Variants in PCDH12 observed in about 807,000 individuals in gnomAD.
PCDH12 encodes the protein protocadherin 12, also known as protocadherin-12.
Under a neutral mutation model 70.9 loss-of-function variants are expected in PCDH12, and 45 were observed. The ratio of observed to expected loss-of-function variants is 0.63; its 90% CI spans 0.50 to 0.81. The LOEUF (loss-of-function observed/expected upper bound fraction) is 0.81, where lower values mean the gene tolerates loss of function less well. Among genes scored for constraint, PCDH12 ranks in the 40% least tolerant of loss-of-function variants. The probability of loss-of-function intolerance (pLI) is 0.00; values close to 1 mark genes in which losing one functional copy is unlikely to be tolerated. For missense variants in PCDH12, 1,370 were observed against 1,491.7 expected (o/e 0.92, Z 1.34); for synonymous variants, 567 against 626.0 (o/e 0.91, Z 1.41).
chr5:141,953,770 C>T (rs781066143), intron 1 of PCDH12, among the ~76,000 whole-genome samples: 3 of 152,210 alleles, frequency 2.0e-5, no homozygotes, highest in Non-Finnish European at 2.9e-5. Flanking sequence ...GGGTCTGCAC[C>T]GATCCCAGGG....
At position 141,957,476 on chromosome 5, in the gene PCDH12, G is replaced by GCACTTGGATCTC; in HGVS notation, c.364_375dup (p.Glu122_Val125dup). 1 of 1,613,152 alleles carries GCACTTGGATCTC rather than the reference G, an allele frequency of 6.2e-7. No individual in the cohort carries two copies. On this transcript the variant is annotated inframe_insertion, in exon 1 of 4. Coordinates refer to ENST00000231484, the MANE Select transcript of PCDH12 (RefSeq NM_016580.4). The surrounding 1 kb of genome is among the most constrained non-coding windows in gnomAD (Gnocchi z 4.3). ...CGTGGCTGGTGGTCATTGATGTCCA[G>GCACTTGGATCTC]CACTTGGATCTCCACATGGATCAGA... is the stretch of plus-strand genomic sequence containing the variant.
chr5:141,956,011 C>T lies in PCDH12; in HGVS notation c.1841G>A (p.Arg614Gln), dbSNP rs149124110. 51 of 1,613,980 alleles carry T rather than the reference C, an allele frequency of 3.2e-5. No individual in the cohort carries two copies. Among genetic ancestry groups the T allele is most frequent in the Admixed American group, 5.0e-5 (3 of 59,988 alleles). ...DTPPLATHSS[R>Q]PFLLTTIVAR... ...CACAATGGTTGTCAAAAGGAATGGC[C>T]GGGAGCTGTGAGTGGCCAGTGGAGG... The change falls in exon 1 of 4, where the codon CGG becomes CAG. Residue 614 changes from arginine (R) to glutamine (Q), a missense_variant. Physicochemically the swap from Arg to Gln is conservative, Grantham distance 43. Coordinates refer to ENST00000231484, the MANE Select transcript of PCDH12 (RefSeq NM_016580.4).
intron 3 of PCDH12, among the ~76,000 whole-genome samples, chr5:141,946,886 C>T (rs553206368): frequency 7.3e-6 from 1 of 137,312 alleles, no homozygotes; most frequent in African/African-American, 2.9e-5. Context: ...AGTTAAGAAA[C>T]AGTGTCTTAA....
rs1018274313 is a variant in PCDH12 at position 141,945,460 on chromosome 5, T to C, written c.3476A>G (p.Lys1159Arg). ...CTTTCCACCTGGGTCCCCTTGCACT[T>C]TCATGCCTGAGGCTGCACTGGTGGC... ...DLATSAASGM[K>R]VQGDPGGKTG... Residue 1159 changes from lysine to arginine, a missense_variant, in exon 4 of 4, where the codon AAA (lysine) becomes AGA (arginine). By Grantham distance (26) the Lys-to-Arg change is conservative. Coordinates refer to ENST00000231484, the MANE Select transcript of PCDH12 (RefSeq NM_016580.4). 29 of 1,613,206 alleles carry C rather than the reference T, an allele frequency of 1.8e-5. No individual in the cohort carries two copies. Among genetic ancestry groups the C allele is most frequent in the Non-Finnish European group, 2.2e-5 (26 of 1,179,676 alleles).
Position 141,957,776 on chromosome 5 carries a change from C to T in PCDH12, c.76G>A (p.Glu26Lys). 2 of 1,609,322 alleles carry T rather than the reference C, an allele frequency of 1.2e-6. No homozygotes were observed. Among genetic ancestry groups the T allele is most frequent in the Non-Finnish European group, 1.7e-6 (2 of 1,180,006 alleles). ...GYLFLLGDCQ[E>K]VTTLTVKYQV... is the part of the protein sequence containing the mutation. Reference sequence around the variant, plus strand: ...TATTTCACCGTGAGAGTGGTCACCTCCTGACAATCCCCTAAAAGAAATAAG... The same window carrying T: ...TATTTCACCGTGAGAGTGGTCACCTTCTGACAATCCCCTAAAAGAAATAAG... The change falls in exon 1 of 4, where the codon GAG becomes AAG. Residue 26 changes from glutamate (E) to lysine (K), a missense_variant. Coordinates refer to ENST00000231484, the MANE Select transcript of PCDH12 (RefSeq NM_016580.4). The surrounding 1 kb of genome is among the most constrained non-coding windows in gnomAD (Gnocchi z 4.3).
chr5:141,956,250 C>G lies in PCDH12; in HGVS notation c.1602G>C (p.Gln534His). The G allele has an allele frequency of 1.2e-6, 2 of 1,614,226 alleles. No homozygotes were observed. Among genetic ancestry groups the G allele is most frequent in the East Asian group, 2.2e-5 (1 of 44,882 alleles). ...GTTGCCCGCTGTCCTCTGCGATCAC[C>G]TGGAACTCAAAGCCGGCCATCTCTT... Reference protein sequence around the residue: ...NYEEMAGFEFQVIAEDSGQPM... With the variant: ...NYEEMAGFEFHVIAEDSGQPM... Residue 534 changes from glutamine to histidine, a missense_variant, in exon 1 of 4, where the codon CAG becomes CAC. Coordinates refer to ENST00000231484, the MANE Select transcript of PCDH12 (RefSeq NM_016580.4).
rs1753215984 is a variant in PCDH12, at chr5:141,957,952, C to T, written c.-101G>A. On this transcript the variant is annotated 5_prime_UTR_variant, in exon 1 of 4. Coordinates refer to ENST00000231484, the MANE Select transcript of PCDH12 (RefSeq NM_016580.4). This position sits in a 1 kb window ranked among gnomAD's most constrained non-coding sequence, Gnocchi z 4.3. The stretch of plus-strand genomic sequence containing the variant: ...GGATGGCTTGATCAGCCCCGTGCTC[C>T]TTCCCCCAGAGCTGCCGGCACAACC... 15 of 1,385,848 alleles carry T rather than the reference C, an allele frequency of 1.1e-5. No homozygotes were observed. The highest frequency in any genetic ancestry group is 1.5e-5 in the Non-Finnish European group (15 of 1,027,650). The allele number at this position is 1,385,848 out of a possible 1,614,324, so 85.8% of individuals were successfully genotyped here. A position where few individuals can be genotyped will look rare whatever the true frequency, so the allele number is the denominator to read the frequency against.
chr5:141,945,860 G>A (rs1363194133), intron 3 of PCDH12, 55 bp from the exon 4 acceptor site: 2 of 1,531,654 alleles, frequency 1.3e-6, no homozygotes, highest in African/African-American at 1.4e-5. Context: ...GGGCCAGGCG[G>A]GTGAGGGTGG....
At position 141,949,522 on chromosome 5, in the gene PCDH12, G is replaced by C. The variant is rs146378495; in HGVS notation, c.3040C>G (p.Gln1014Glu). 5 of 1,614,040 alleles carry C rather than the reference G, an allele frequency of 3.1e-6. No homozygotes were observed. The highest frequency in any genetic ancestry group is 1.7e-5 in the Admixed American group (1 of 60,008). Reference protein sequence around the residue: ...ARAGGQTDPEQEEGPLDPEED... With the variant: ...ARAGGQTDPEEEEGPLDPEED... ...TCAGGATCCAAAGGCCCTTCCTCCT[G>C]TTCTGGGTCTGTCTGGCCTCCAGCC... Residue 1014 changes from glutamine to glutamate, a missense_variant, in exon 3 of 4, where the codon CAG (glutamine) becomes GAG (glutamate). Physicochemically the swap from Gln to Glu is conservative, Grantham distance 29. Coordinates refer to ENST00000231484, the MANE Select transcript of PCDH12 (RefSeq NM_016580.4).
In PCDH12 at chr5:141,956,664, C is replaced by A. The variant is rs1753189648; in HGVS notation, c.1188G>T (p.Glu396Asp). The change falls in exon 1 of 4, where the codon GAG (glutamate) becomes GAT (aspartate). Residue 396 changes from glutamate (E) to aspartate (D), a missense_variant. Physicochemically the swap from Glu to Asp is conservative, Grantham distance 45. Transcript: ENST00000231484. ...NGLVHCWLSQ[E>D]LGHFRLKRTN... ...TTCTTTTCAGCCTGAAGTGGCCCAG[C>A]TCTTGGCTCAGCCAGCAGTGGACCA... 6.2e-7 allele frequency: 1 copy of A among 1,614,242 alleles called. No homozygotes were observed. The highest frequency in any genetic ancestry group is 1.1e-5 in the South Asian group (1 of 91,088).
In PCDH12 at chr5:141,957,863, A is replaced by C. The variant is rs1753214285; in HGVS notation, c.-12T>G. The C allele has an allele frequency of 5.0e-6, 8 of 1,592,130 alleles. No individual in the cohort carries two copies. The highest frequency in any genetic ancestry group is 6.8e-6 in the Non-Finnish European group (8 of 1,175,304). ...AGAAGTTGCATCATGCTTACCGCCA[A>C]GTGGGCTAGATTCAGAAACCACTAG... On this transcript the variant is annotated 5_prime_UTR_variant, in exon 1 of 4. Coordinates refer to ENST00000231484, the MANE Select transcript of PCDH12 (RefSeq NM_016580.4). The surrounding 1 kb of genome is among the most constrained non-coding windows in gnomAD (Gnocchi z 4.3).
At chr5:141,952,743 A>G (rs1301433115) in intron 1 of PCDH12, 1 of 152,260 alleles carries the variant, frequency 6.6e-6, no homozygotes, top group Non-Finnish European at 1.5e-5. Context: ...AGAAATACCC[A>G]CACGCCTTCT....
At chr5:141,953,589 A>G (rs1038382678) in intron 1 of PCDH12, among the ~76,000 whole-genome samples, 3 of 152,214 alleles carry the variant, frequency 2.0e-5, no homozygotes, top group Non-Finnish European at 4.4e-5. Context: ...TTGATCCCAA[A>G]TGGGCACCTT....
intron 3 of PCDH12, 105 bp from the exon 4 acceptor site, chr5:141,945,910 G>A: frequency 9.6e-7 from 1 of 1,046,618 alleles, no homozygotes; most frequent in Non-Finnish European, 1.4e-6. Context: ...AAGGAGGGAA[G>A]GGAAATGGCA....
intron 3 of PCDH12, among the ~76,000 whole-genome samples, chr5:141,949,030 A>T (rs1291750213): frequency 6.9e-6 from 1 of 145,282 alleles, no homozygotes; most frequent in African/African-American, 2.6e-5. Flanking sequence ...CCTGGGCAAC[A>T]GGTGAATCCC....
chr5:141,955,118 G>A lies in PCDH12; in HGVS notation c.2734C>T (p.Arg912Trp), dbSNP rs574087581. 1.0e-4 allele frequency: 165 copies of A among 1,614,216 alleles called. No individual in the cohort carries two copies. The highest frequency in any genetic ancestry group is 7.0e-4 in the South Asian group (64 of 91,084). Residue 912 changes from arginine to tryptophan, a missense_variant, in exon 1 of 4, where the codon CGG becomes TGG. Physicochemically the swap from Arg to Trp is moderately radical, Grantham distance 101. Transcript: ENST00000231484. This position sits in a 1 kb window ranked among gnomAD's most constrained non-coding sequence, Gnocchi z 5.5. ...RPPASSATLR[R>W]QRHLNGKVSP... ...ACTTTGCCATTGAGATGTCGCTGCC[G>A]TCTCAGGGTTGCAGAGGAGGCTGGT...
chr5:141,944,519 A>G lies in PCDH12; in HGVS notation c.*862T>C, dbSNP rs1752855268. 1 of 152,144 alleles carries G rather than the reference A, an allele frequency of 6.6e-6. No individual in the cohort carries two copies. The highest frequency in any genetic ancestry group is 1.5e-5 in the Non-Finnish European group (1 of 68,066). 9.4% of individuals were successfully genotyped at this position (152,144 alleles called of 1,614,324 possible). On this transcript the variant is annotated 3_prime_UTR_variant, in exon 4 of 4. Transcript: ENST00000231484. ...GCAGGCTGGTGTCAAGGTTGAAGGC[A>G]TGGGTTTTGGTGTTGGCCCAGCCTG...
At chr5:141,947,102 T>C (rs575098470) in intron 3 of PCDH12, among the ~76,000 whole-genome samples, 1 of 152,368 alleles carries the variant, frequency 6.6e-6, no homozygotes, top group East Asian at 1.9e-4. Flanking sequence ...ATATTACTTA[T>C]GTAATTTGAA....
At position 141,944,724 on chromosome 5, in the gene PCDH12, T is replaced by C. The variant is rs187828186; in HGVS notation, c.*657A>G. 6.6e-6 allele frequency: 1 copy of C among 152,362 alleles called. No individual in the cohort carries two copies. Among genetic ancestry groups the C allele is most frequent in the African/African-American group, 2.4e-5 (1 of 41,574 alleles). 9.4% of individuals were successfully genotyped at this position (152,362 alleles called of 1,614,324 possible). ...GTGCCTGGCTCATGTAAATGCTTTA[T>C]AAATAGTTGTGCTTTCTTAGCTCTA... On this transcript the variant is annotated 3_prime_UTR_variant, in exon 4 of 4. Transcript: ENST00000231484.
Sources: allele counts gnomAD v4.1 joint callset (sites outside exome capture counted in the v4.1 genomes callset), GRCh38; gene constraint gnomAD v4.1.1; non-coding constraint Gnocchi (gnomAD v3.1); transcripts MANE v1.5; gene names NCBI Gene and HGNC (gene_info 2026-07-23, HGNC 2026-07-21).